The following SOBP variants were observed in gnomAD, a reference collection of about 807,000 sequenced individuals.
SOBP encodes sine oculis binding protein homolog, also known as sine oculis-binding protein homolog.
A neutral mutation model predicts 53.6 loss-of-function variants in SOBP; 4 were observed. The ratio of observed to expected loss-of-function variants is 0.07; its 90% CI spans 0.04 to 0.17. The LOEUF (loss-of-function observed/expected upper bound fraction) is 0.17, where lower values mean the gene tolerates loss of function less well. SOBP is among the 10% of genes least tolerant of loss of function. The pLI is 1.00. For missense variants in SOBP, 1,088 were observed against 1,204.7 expected (o/e 0.90, Z 1.43); for synonymous variants, 584 against 522.6 (o/e 1.12, Z -1.60).
chr6:107,637,103 TA>T (rs1368635063), intron 6 of SOBP, among the ~76,000 whole-genome samples: 1 of 152,162 alleles, frequency 6.6e-6, no homozygotes. Flanking sequence ...GAAAGTTTCT[TA>T]AAAAACAAAC....
intron 4 of SOBP, among the ~76,000 whole-genome samples, chr6:107,542,699 C>A (rs1260063216): frequency 6.6e-6 from 1 of 151,684 alleles, no homozygotes; most frequent in Non-Finnish European, 1.5e-5. Flanking sequence ...AAACATTTCC[C>A]AGTAGCAAAA....
chr6:107,617,207 C>T (rs910928774), intron 5 of SOBP, among the ~76,000 whole-genome samples: 5 of 152,138 alleles, frequency 3.3e-5, no homozygotes, highest in African/African-American at 9.7e-5. Context: ...GGGGTTATCT[C>T]CAAGGAAACC....
intron 6 of SOBP, among the ~76,000 whole-genome samples, chr6:107,655,333 G>C (rs1527875): frequency 0.52 from 79,455 of 151,888 alleles, 25,033 homozygotes; most frequent in Middle Eastern, 0.78. Flanking sequence ...GTCTTTTCCT[G>C]TGTCACCAAC....
At chr6:107,528,208 T>C (rs931934908) in intron 3 of SOBP, among the ~76,000 whole-genome samples, 2 of 152,248 alleles carry the variant, frequency 1.3e-5, no homozygotes, top group South Asian at 4.1e-4. Context: ...TTTTAATGGT[T>C]CATAAGAAAC....
At chr6:107,545,417 C>T (rs752234498) in intron 4 of SOBP, among the ~76,000 whole-genome samples, 2 of 152,092 alleles carry the variant, frequency 1.3e-5, no homozygotes, top group African/African-American at 2.4e-5. Context: ...TTTGCTGGCA[C>T]GGCAACAGAG....
chr6:107,599,323 G>A (rs1786064853), intron 5 of SOBP, among the ~76,000 whole-genome samples: 1 of 152,074 alleles, frequency 6.6e-6, no homozygotes, highest in Non-Finnish European at 1.5e-5. Context: ...AAATCCTTTT[G>A]GACTCAACTT....
intron 4 of SOBP, among the ~76,000 whole-genome samples, chr6:107,574,793 C>T (rs1260575988): frequency 6.6e-6 from 1 of 152,158 alleles, no homozygotes; most frequent in Non-Finnish European, 1.5e-5. Flanking sequence ...AGCCTTTGGC[C>T]GTGTTCCTCA....
At chr6:107,558,557 C>T (rs1004736572) in intron 4 of SOBP, among the ~76,000 whole-genome samples, 2 of 151,946 alleles carry the variant, frequency 1.3e-5, no homozygotes, top group Non-Finnish European at 1.5e-5. Flanking sequence ...TGTGAGCCAC[C>T]GCGCCCGGCC....
At chr6:107,651,092 C>T (rs1482096884) in intron 6 of SOBP, among the ~76,000 whole-genome samples, 3 of 152,078 alleles carry the variant, frequency 2.0e-5, no homozygotes, top group Non-Finnish European at 4.4e-5. Flanking sequence ...ATGGCAAAAC[C>T]CTGTCTCTAC....
chr6:107,563,163 G>A (rs72945618), intron 4 of SOBP, among the ~76,000 whole-genome samples: 11,538 of 151,854 alleles, frequency 0.076, 493 homozygotes, highest in African/African-American at 0.12. Flanking sequence ...ATACTTAGGT[G>A]GGAAGATTGC....
At chr6:107,562,232 T>G (rs1376340330) in intron 4 of SOBP, among the ~76,000 whole-genome samples, 4 of 152,160 alleles carry the variant, frequency 2.6e-5, no homozygotes, top group Non-Finnish European at 5.9e-5. Context: ...TTGGCCAGGC[T>G]GGTCTTAAAC....
chr6:107,576,569 G>A (rs1458857978), intron 4 of SOBP, among the ~76,000 whole-genome samples: 2 of 152,330 alleles, frequency 1.3e-5, no homozygotes, highest in African/African-American at 4.8e-5. Flanking sequence ...CAGCCAGGCC[G>A]AGTACACAGA....
chr6:107,608,958 C>G (rs899378402), intron 5 of SOBP, among the ~76,000 whole-genome samples: 1 of 152,176 alleles, frequency 6.6e-6, no homozygotes, highest in Non-Finnish European at 1.5e-5. Context: ...TTCTTTAATA[C>G]CACTCCCCCG....
intron 4 of SOBP, among the ~76,000 whole-genome samples, chr6:107,535,969 A>G (rs1783987625): frequency 6.6e-6 from 1 of 152,156 alleles, no homozygotes. Flanking sequence ...TGTTAATTAA[A>G]TTGTGGACTT....
chr6:107,518,308 T>C (rs1318046057), intron 3 of SOBP, among the ~76,000 whole-genome samples: 1 of 152,110 alleles, frequency 6.6e-6, no homozygotes, highest in Non-Finnish European at 1.5e-5. Flanking sequence ...TAAACACACA[T>C]GAGAATGGCT....
At chr6:107,500,635 C>T (rs1401973919) in intron 1 of SOBP, among the ~76,000 whole-genome samples, 2 of 151,766 alleles carry the variant, frequency 1.3e-5, no homozygotes, top group East Asian at 2.0e-4. Context: ...CATTCTCCTG[C>T]CTCAGCCTCC....
At chr6:107,549,079 A>G (rs1784389231) in intron 4 of SOBP, among the ~76,000 whole-genome samples, 1 of 152,158 alleles carries the variant, frequency 6.6e-6, no homozygotes, top group Admixed American at 6.5e-5. Context: ...CATCTGGCTA[A>G]CATGGTTAAA....
intron 4 of SOBP, among the ~76,000 whole-genome samples, chr6:107,561,543 G>A (rs1025685875): frequency 1.1e-4 from 17 of 152,268 alleles, no homozygotes; most frequent in Non-Finnish European, 2.1e-4. Context: ...GGCCGGGCTG[G>A]GCTGGGCCAT....
chr6:107,555,185 T>C (rs1274856251), intron 4 of SOBP, among the ~76,000 whole-genome samples: 6 of 140,114 alleles, frequency 4.3e-5, no homozygotes, highest in Non-Finnish European at 9.0e-5. Flanking sequence ...GGAGATGGCA[T>C]TGTAAGAGAA....
Sources: gnomAD v4.1 joint callset for allele counts (sites outside exome capture counted in the v4.1 genomes callset) on GRCh38, gnomAD v4.1.1 for gene constraint, MANE v1.5 for transcripts, NCBI Gene and HGNC (gene_info 2026-07-23, HGNC 2026-07-21) for gene names.